TOP6BL: variants seen among roughly 807,000 people sequenced by gnomAD.
The protein encoded by TOP6BL is type 2 DNA topoisomerase 6 subunit B-like.
At chr11:66,841,108 T>C in the TOP6BL span, among the ~76,000 whole-genome samples, 2 of 141,578 alleles carry the variant, frequency 1.4e-5, no homozygotes, top group Non-Finnish European at 3.1e-5. Context: ...AAGAGGCCTC[T>C]CATTTTTTTT....
the TOP6BL span, among the ~76,000 whole-genome samples, chr11:66,833,960 A>C: frequency 1.3e-5 from 2 of 152,018 alleles, no homozygotes; most frequent in East Asian, 3.9e-4. Flanking sequence ...AAAAAAAAAA[A>C]GATCTGACCT....
the TOP6BL span, among the ~76,000 whole-genome samples, chr11:66,791,652 C>G: frequency 6.6e-6 from 1 of 151,936 alleles, no homozygotes; most frequent in African/African-American, 2.4e-5. Flanking sequence ...CCATATGATT[C>G]AATAGTAGTT....
At chr11:66,818,276 G>A in the TOP6BL span, among the ~76,000 whole-genome samples, 1 of 152,158 alleles carries the variant, frequency 6.6e-6, no homozygotes, top group Non-Finnish European at 1.5e-5. Flanking sequence ...GAGCCTCTCA[G>A]AAGTAAGATA....
the TOP6BL span, among the ~76,000 whole-genome samples, chr11:66,773,582 G>T: frequency 6.6e-6 from 1 of 151,936 alleles, no homozygotes; most frequent in Non-Finnish European, 1.5e-5. Flanking sequence ...TCTTCCTGTT[G>T]TTCTATTTCA....
the TOP6BL span, among the ~76,000 whole-genome samples, chr11:66,830,392 A>AT: frequency 6.6e-6 from 1 of 152,226 alleles, no homozygotes; most frequent in Non-Finnish European, 1.5e-5. Context: ...AATTTGTGAG[A>AT]TGTAGCTGAT....
chr11:66,841,406 G>C, the TOP6BL span, among the ~76,000 whole-genome samples: 224 of 152,208 alleles, frequency 1.5e-3, no homozygotes, highest in African/African-American at 5.3e-3. Flanking sequence ...ATGAGCCACC[G>C]CGCCCGGCCA....
the TOP6BL span, chr11:66,815,933 G>A: frequency 6.0e-6 from 6 of 994,530 alleles, no homozygotes; most frequent in Admixed American, 2.9e-5. Context: ...GTAAATGGGT[G>A]TTCAGATTTA....
the TOP6BL span, among the ~76,000 whole-genome samples, chr11:66,781,731 T>C: frequency 6.6e-6 from 1 of 151,972 alleles, no homozygotes; most frequent in Non-Finnish European, 1.5e-5. Context: ...TAGAGATGAG[T>C]CTTTCCATGT....
At chr11:66,826,296 AT>A in the TOP6BL span, among the ~76,000 whole-genome samples, 1 of 152,164 alleles carries the variant, frequency 6.6e-6, no homozygotes, top group Admixed American at 6.5e-5. Context: ...ATAATTTGCC[AT>A]TTTCCCCATT....
At chr11:66,801,087 C>G in the TOP6BL span, 1 of 1,613,620 alleles carries the variant, frequency 6.2e-7, no homozygotes, top group Non-Finnish European at 8.5e-7. Flanking sequence ...TTGGTCGACT[C>G]CCAGCATTAT....
At chr11:66,759,647 G>A in the TOP6BL span, among the ~76,000 whole-genome samples, 7 of 152,076 alleles carry the variant, frequency 4.6e-5, no homozygotes, top group African/African-American at 7.2e-5. Flanking sequence ...GCAGTGGTGC[G>A]ATCTTGGCTC....
At chr11:66,788,313 T>A in the TOP6BL span, 1 of 1,365,072 alleles carries the variant, frequency 7.3e-7, no homozygotes, top group Non-Finnish European at 1.0e-6. Flanking sequence ...GATTTTATTC[T>A]TATTTTTCTG....
the TOP6BL span, among the ~76,000 whole-genome samples, chr11:66,750,929 C>A: frequency 2.7e-5 from 4 of 150,644 alleles, no homozygotes; most frequent in Admixed American, 6.6e-5. Flanking sequence ...GGTCTGAAAC[C>A]CCTGGGCTCA....
At chr11:66,815,788 G>A in the TOP6BL span, 1 of 335,452 alleles carries the variant, frequency 3.0e-6, no homozygotes, top group Non-Finnish European at 5.5e-6. Flanking sequence ...TGAATTTATT[G>A]TGTAGAGCTT....
the TOP6BL span, chr11:66,815,935 TC>T: frequency 9.8e-7 from 1 of 1,024,216 alleles, no homozygotes; most frequent in East Asian, 2.7e-5. Flanking sequence ...AAATGGGTGT[TC>T]AGATTTAGAT....
the TOP6BL span, among the ~76,000 whole-genome samples, chr11:66,805,295 C>T: frequency 6.6e-5 from 10 of 151,858 alleles, no homozygotes; most frequent in African/African-American, 1.5e-4. Flanking sequence ...GTGGTAGGCA[C>T]GGAAAGGCCA....
the TOP6BL span, among the ~76,000 whole-genome samples, chr11:66,820,282 C>T: frequency 2.2e-4 from 33 of 152,250 alleles, no homozygotes; most frequent in African/African-American, 7.7e-4. Context: ...GATCATGGTG[C>T]CTTGTGGTAG....
chr11:66,839,122 T>A, the TOP6BL span: 1 of 456,064 alleles, frequency 2.2e-6, no homozygotes, highest in African/African-American at 2.0e-5. Context: ...TCCATACATG[T>A]CTCCTGCAGT....
chr11:66,801,529 C>G, the TOP6BL span, among the ~76,000 whole-genome samples: 2 of 152,194 alleles, frequency 1.3e-5, no homozygotes, highest in African/African-American at 4.8e-5. Context: ...TCTCCATCTT[C>G]TTCAGACTCC....
Sources: allele counts gnomAD v4.1 joint callset (sites outside exome capture counted in the v4.1 genomes callset), GRCh38; gene constraint gnomAD v4.1.1; transcripts MANE v1.5; gene names NCBI Gene and HGNC (gene_info 2026-07-23, HGNC 2026-07-21).